Variants in ARHGAP24 observed in about 807,000 individuals in gnomAD.
ARHGAP24 encodes Rho GTPase activating protein 24.
ARHGAP24 carries 50 observed loss-of-function variants against 76.4 expected under a neutral mutation model. That is an observed-to-expected ratio of 0.65 (90% confidence interval 0.52 to 0.83). ARHGAP24 has a LOEUF of 0.83. ARHGAP24 is among the 40% of genes least tolerant of loss of function. ARHGAP24 has a pLI of 0.00. For missense variants in ARHGAP24, 930 were observed against 914.2 expected, an observed-to-expected ratio of 1.02 and a Z score of -0.22; for synonymous variants, 345 against 323.3, an observed-to-expected ratio of 1.07 and a Z score of -0.72.
chr4:85,836,471 A>T (rs1041803961), intron 3 of ARHGAP24, among the ~76,000 whole-genome samples: 1 of 152,156 alleles, frequency 6.6e-6, no homozygotes. Flanking sequence ...TAGCTTGTAG[A>T]TGCCTGTCTT....
At position 85,530,415 on chromosome 4, in the gene ARHGAP24, A is replaced by G. The variant is rs374214024; in HGVS notation, c.-20-40107A>G. 2.6e-4 allele frequency among the ~76,000 whole-genome samples: 39 copies of G among 151,948 alleles called. No individual in the cohort carries two copies. In the East Asian group the frequency reaches 6.2e-3, roughly 24 times the overall value. On this transcript the variant is annotated intron_variant, in intron 1 of 9. Transcript: ENST00000395184. ...CAGCTATTGCAAGAATATTTTCTTC[A>G]CCTCTTCCACTGGTTCAAAGGGGTT... is the stretch of plus-strand genomic sequence containing the variant.
chr4:85,715,774 G>A (rs997966428), intron 2 of ARHGAP24, among the ~76,000 whole-genome samples: 2 of 151,782 alleles, frequency 1.3e-5, no homozygotes, highest in Non-Finnish European at 2.9e-5. Context: ...TGCCTTCCCC[G>A]AGTAATTTTT....
intron 4 of ARHGAP24, among the ~76,000 whole-genome samples, chr4:85,927,454 T>C (rs1474093037): frequency 6.6e-6 from 1 of 152,216 alleles, no homozygotes; most frequent in African/African-American, 2.4e-5. Flanking sequence ...TAAAAACCAT[T>C]GAATTGTACA....
chr4:85,623,656 C>T (rs1663147142), intron 2 of ARHGAP24, among the ~76,000 whole-genome samples: 1 of 151,630 alleles, frequency 6.6e-6, no homozygotes, highest in Non-Finnish European at 1.5e-5. Flanking sequence ...ATGGGGATGG[C>T]ATTGAATCTA....
chr4:85,842,933 A>G (rs961824969), intron 3 of ARHGAP24, among the ~76,000 whole-genome samples: 2 of 152,206 alleles, frequency 1.3e-5, no homozygotes, highest in African/African-American at 4.8e-5. Flanking sequence ...AGCGAGGTCA[A>G]TTAACCCAGC....
At chr4:85,849,594 T>C (rs1731100647) in intron 3 of ARHGAP24, among the ~76,000 whole-genome samples, 1 of 152,232 alleles carries the variant, frequency 6.6e-6, no homozygotes, top group Non-Finnish European at 1.5e-5. Context: ...TTGTCATAAA[T>C]AGCTCTCATT....
chr4:85,956,695 C>T (rs984497332), intron 5 of ARHGAP24, among the ~76,000 whole-genome samples: 1 of 152,184 alleles, frequency 6.6e-6, no homozygotes, highest in African/African-American at 2.4e-5. Context: ...CGATGCAGAA[C>T]AATGGCAAGC....
intron 2 of ARHGAP24, among the ~76,000 whole-genome samples, chr4:85,695,813 T>C (rs1723845592): frequency 6.6e-6 from 1 of 152,230 alleles, no homozygotes; most frequent in African/African-American, 2.4e-5. Context: ...TGTAATATAC[T>C]ATGCAGTGTT....
At chr4:85,663,485 C>T (rs557481226) in intron 2 of ARHGAP24, among the ~76,000 whole-genome samples, 411 of 150,324 alleles carry the variant, frequency 2.7e-3, no homozygotes, top group Middle Eastern at 0.014. Context: ...TTGACTTCCT[C>T]ATTTCCTAAT....
chr4:85,990,977 A>G (rs542791094), intron 8 of ARHGAP24: 10 of 152,158 alleles, frequency 6.6e-5, no homozygotes, highest in African/African-American at 2.4e-4. Flanking sequence ...CTTTTTGGAA[A>G]TGGAGACTAC....
At chr4:85,946,467 C>T (rs966043739) in intron 5 of ARHGAP24, among the ~76,000 whole-genome samples, 1 of 152,112 alleles carries the variant, frequency 6.6e-6, no homozygotes, top group Non-Finnish European at 1.5e-5. Context: ...TTTATTTCAA[C>T]CCTTAGCACC....
chr4:85,660,020 A>G (rs1323993952), intron 2 of ARHGAP24, among the ~76,000 whole-genome samples: 1 of 152,152 alleles, frequency 6.6e-6, no homozygotes, highest in Non-Finnish European at 1.5e-5. Context: ...TGCTAGGGGG[A>G]GTTGCCCTTA....
chr4:85,971,870 G>A (rs994408714), intron 5 of ARHGAP24, among the ~76,000 whole-genome samples, 166 bp from the exon 6 acceptor site: 1 of 151,926 alleles, frequency 6.6e-6, no homozygotes. Flanking sequence ...CCCCACCTGT[G>A]GTGGCATCTA....
chr4:85,550,482 G>A (rs1013670084), intron 1 of ARHGAP24, among the ~76,000 whole-genome samples: 10 of 152,104 alleles, frequency 6.6e-5, no homozygotes, highest in African/African-American at 2.4e-4. Context: ...GTAACATAAT[G>A]CCTCCAGCTT....
intron 1 of ARHGAP24, among the ~76,000 whole-genome samples, chr4:85,494,825 G>A (rs900569648): frequency 5.9e-5 from 9 of 151,440 alleles, no homozygotes; most frequent in Admixed American, 2.6e-4. Flanking sequence ...CTGGCCGGGC[G>A]CGATGGCTCA....
intron 3 of ARHGAP24, among the ~76,000 whole-genome samples, chr4:85,735,939 A>G (rs1194487673): frequency 6.6e-6 from 1 of 152,186 alleles, no homozygotes; most frequent in Non-Finnish European, 1.5e-5. Flanking sequence ...ACTATAGCCT[A>G]TAACTACCCC....
At chr4:85,865,489 A>T (rs1732144604) in intron 3 of ARHGAP24, among the ~76,000 whole-genome samples, 1 of 147,550 alleles carries the variant, frequency 6.8e-6, no homozygotes, top group African/African-American at 2.4e-5. Flanking sequence ...TAAACAAATA[A>T]TAAATAATTT....
intron 2 of ARHGAP24, among the ~76,000 whole-genome samples, chr4:85,632,502 AT>A (rs1382124380): frequency 6.6e-6 from 1 of 152,048 alleles, no homozygotes; most frequent in Non-Finnish European, 1.5e-5. Flanking sequence ...TGGATTTTAT[AT>A]AATAACAAGA....
intron 3 of ARHGAP24, among the ~76,000 whole-genome samples, chr4:85,801,162 G>C (rs185600207): frequency 9.2e-5 from 14 of 151,934 alleles, no homozygotes; most frequent in South Asian, 2.1e-4. Context: ...ATTTTAAAGT[G>C]CATTAAAAAT....
Sources: allele counts gnomAD v4.1 joint callset (sites outside exome capture counted in the v4.1 genomes callset), GRCh38; gene constraint gnomAD v4.1.1; transcripts MANE v1.5; gene names NCBI Gene and HGNC (gene_info 2026-07-23, HGNC 2026-07-21).